CSMD1: variants seen among roughly 807,000 people sequenced by gnomAD.
CSMD1 encodes the protein CUB and sushi domain-containing protein 1.
CSMD1 carries 213 observed loss-of-function variants against 417.5 expected under a neutral mutation model. The observed-to-expected ratio is 0.51, with a 90% CI of 0.46 to 0.57. CSMD1 has a LOEUF of 0.57. Ranked by LOEUF, CSMD1 falls within the 20% of genes least tolerant of loss-of-function variation. CSMD1 has a pLI of 0.00. For synonymous variants in CSMD1, 2,862 were observed against 1,736.8 expected (o/e 1.65, Z -16.11); for missense variants, 6,923 against 4,529.7 (o/e 1.53, Z -15.17).
chr8:4,671,187 C>T (rs1805302058), intron 1 of CSMD1, among the ~76,000 whole-genome samples: 3 of 152,176 alleles, frequency 2.0e-5, no homozygotes, highest in Non-Finnish European at 2.9e-5. Context: ...GTATTCCATT[C>T]CTCTTAGTAG....
In CSMD1 at chr8:4,474,381, A is replaced by G. The variant is rs376226167; in HGVS notation, c.303-54316T>C. ...TGTTGTCTAACTTGAGCTGATTAGA[A>G]TAAGAGGAGGACAGAGAATTGGTCT... On this transcript the variant is annotated intron_variant, in intron 2 of 69. Coordinates refer to ENST00000635120, the MANE Select transcript of CSMD1 (RefSeq NM_033225.6). Among the ~76,000 whole-genome samples the G allele has an allele frequency of 1.8e-3, 270 of 152,334 alleles. 9 individuals carry two copies. In the South Asian group the frequency reaches 0.05, roughly 28 times the overall value.
Position 2,965,864 on chromosome 8 carries a change from T to C in CSMD1, c.9191A>G (p.Asn3064Ser). Residue 3064 changes from asparagine (N) to serine (S), a missense_variant, in exon 59 of 70, where the codon AAC (asparagine) becomes AGC (serine). Physicochemically the swap from Asn to Ser is conservative, Grantham distance 46. Coordinates refer to ENST00000635120, the MANE Select transcript of CSMD1 (RefSeq NM_033225.6). ...TFNKTVSYQC[N>S]PGYVMEAVTS... ...GACTGCTTCCATGACATAGCCTGGG[T>C]TACACTGATAGCTCACAGTCTTGTT... The C allele has an allele frequency of 6.2e-7, 1 of 1,609,660 alleles. No homozygotes were observed. The highest frequency in any genetic ancestry group is 8.5e-7 in the Non-Finnish European group (1 of 1,177,936).
intron 3 of CSMD1, among the ~76,000 whole-genome samples, chr8:4,127,287 C>A (rs911091978): frequency 1.1e-4 from 17 of 151,836 alleles, no homozygotes; most frequent in Admixed American, 3.9e-4. Flanking sequence ...CATGCGGCTC[C>A]CTCTGCTTTT....
intron 3 of CSMD1, among the ~76,000 whole-genome samples, chr8:4,384,661 T>C (rs2128920546): frequency 6.6e-6 from 1 of 152,234 alleles, no homozygotes; most frequent in East Asian, 1.9e-4. Flanking sequence ...TCATATTCCC[T>C]CCAACATTAA....
At chr8:4,841,175 C>A (rs948756476) in intron 1 of CSMD1, among the ~76,000 whole-genome samples, 3 of 152,334 alleles carry the variant, frequency 2.0e-5, no homozygotes, top group African/African-American at 7.2e-5. Context: ...AGCTTCTCCT[C>A]TCCTTGCAAA....
In CSMD1 at chr8:4,651,144, T is replaced by C. The variant is rs564231665; in HGVS notation, c.86-13586A>G. On this transcript the variant is annotated intron_variant, in intron 1 of 69. Coordinates refer to ENST00000635120, the MANE Select transcript of CSMD1 (RefSeq NM_033225.6). ...AAAGCTGAGGCTAAAATGAGTACTA[T>C]AGTTTCAACTGAGAAAAAAAATCAA... 6.6e-5 allele frequency among the ~76,000 whole-genome samples: 10 copies of C among 152,312 alleles called. No individual in the cohort carries two copies. In the East Asian group the frequency reaches 1.9e-3, roughly 29 times the overall value.
chr8:4,838,796 A>G (rs1800662024), intron 1 of CSMD1, among the ~76,000 whole-genome samples: 1 of 152,188 alleles, frequency 6.6e-6, no homozygotes, highest in Non-Finnish European at 1.5e-5. Context: ...CGGAACCGAC[A>G]GACACTGGCT....
intron 1 of CSMD1, among the ~76,000 whole-genome samples, chr8:4,779,636 T>C (rs574235499): frequency 2.6e-4 from 39 of 152,346 alleles, no homozygotes; most frequent in African/African-American, 8.9e-4. Flanking sequence ...CAAGCTTCTC[T>C]GGCAAGCTGG....
intron 23 of CSMD1, among the ~76,000 whole-genome samples, chr8:3,328,447 A>G (rs1167312987): frequency 1.3e-5 from 2 of 152,228 alleles, no homozygotes; most frequent in Non-Finnish European, 2.9e-5. Context: ...ATATCTGCAC[A>G]GAATACCTTA....
At chr8:3,950,566 G>A (rs534870963) in intron 5 of CSMD1, among the ~76,000 whole-genome samples, 10 of 152,304 alleles carry the variant, frequency 6.6e-5, no homozygotes, top group South Asian at 2.1e-4. Context: ...CGTTCCGCTT[G>A]CCCATAGCAA....
chr8:3,183,853 T>A (rs1481220955), intron 36 of CSMD1, among the ~76,000 whole-genome samples: 2 of 152,206 alleles, frequency 1.3e-5, no homozygotes, highest in Non-Finnish European at 2.9e-5. Flanking sequence ...TTCATATTAT[T>A]TTCACAACAA....
At chr8:4,988,458 G>C (rs1176372839) in intron 1 of CSMD1, among the ~76,000 whole-genome samples, 2 of 152,286 alleles carry the variant, frequency 1.3e-5, no homozygotes, top group African/African-American at 2.4e-5. Flanking sequence ...AAATATGCCT[G>C]CATGATCTTT....
At chr8:3,111,268 T>C (rs549580505) in intron 42 of CSMD1, among the ~76,000 whole-genome samples, 7 of 152,210 alleles carry the variant, frequency 4.6e-5, no homozygotes, top group Non-Finnish European at 1.0e-4. Context: ...AGGCGGGATA[T>C]GATACACTGT....
At chr8:3,015,569 A>G (rs1255371934) in intron 52 of CSMD1, among the ~76,000 whole-genome samples, 1 of 152,040 alleles carries the variant, frequency 6.6e-6, no homozygotes, top group Non-Finnish European at 1.5e-5. Flanking sequence ...AGTAAACAAA[A>G]AAAAGGACCC....
chr8:4,278,616 A>G (rs779711664), intron 3 of CSMD1, among the ~76,000 whole-genome samples: 1 of 152,202 alleles, frequency 6.6e-6, no homozygotes, highest in Non-Finnish European at 1.5e-5. Flanking sequence ...TCATGAATGG[A>G]AACTCAAATT....
At chr8:4,475,418 C>T (rs573896281) in intron 2 of CSMD1, among the ~76,000 whole-genome samples, 3 of 151,992 alleles carry the variant, frequency 2.0e-5, no homozygotes, top group South Asian at 2.1e-4. Flanking sequence ...GAGTGTTTCT[C>T]TTTTTTAATA....
intron 1 of CSMD1, among the ~76,000 whole-genome samples, chr8:4,874,439 G>C (rs890377285): frequency 1.4e-5 from 2 of 138,724 alleles, no homozygotes; most frequent in South Asian, 2.3e-4. Flanking sequence ...ACCCAGGCTG[G>C]CATGCAGTGT....
rs561704166 is a variant in CSMD1, at chr8:3,335,690, A to G, written c.3631+7604T>C. Reference sequence around the variant, plus strand: ...GACTCCGACTCAAGAAAATAATAATAATAAATAAAGGTTAATGGTAACAAT... The same window carrying G: ...GACTCCGACTCAAGAAAATAATAATGATAAATAAAGGTTAATGGTAACAAT... On this transcript the variant is annotated intron_variant, in intron 23 of 69. Coordinates refer to ENST00000635120, the MANE Select transcript of CSMD1 (RefSeq NM_033225.6). 2.0e-5 allele frequency among the ~76,000 whole-genome samples: 3 copies of G among 152,302 alleles called. No homozygotes were observed. In the East Asian group the frequency reaches 5.8e-4, roughly 29 times the overall value.
chr8:4,202,713 A>G (rs1009244833), intron 3 of CSMD1, among the ~76,000 whole-genome samples: 12 of 152,240 alleles, frequency 7.9e-5, no homozygotes, highest in Admixed American at 1.3e-4. Context: ...TAATCAAACA[A>G]GTACTCAAAT....
Sources: gnomAD v4.1 joint callset for allele counts (sites outside exome capture counted in the v4.1 genomes callset) on GRCh38, gnomAD v4.1.1 for gene constraint, MANE v1.5 for transcripts, NCBI Gene and HGNC (gene_info 2026-07-23, HGNC 2026-07-21) for gene names.